ECSIT: variants seen among roughly 807,000 people sequenced by gnomAD.
ECSIT encodes the protein ECSIT signaling integrator.
Under a neutral mutation model 36.8 loss-of-function variants are expected in ECSIT, and 29 were observed. That is an observed-to-expected ratio of 0.79 (90% CI 0.59 to 1.08). ECSIT has a LOEUF of 1.08. Among genes scored for constraint, ECSIT ranks in the 50% least tolerant of loss-of-function variants. The pLI is 0.00. For missense variants in ECSIT, 542 were observed against 581.0 expected (o/e 0.93, Z 0.69); for synonymous variants, 231 against 234.8 (o/e 0.98, Z 0.15).
intron 5 of ECSIT, 32 bp from the exon 6 acceptor site, chr19:11,507,882 G>A: frequency 1.2e-6 from 2 of 1,613,830 alleles, no homozygotes; most frequent in South Asian, 1.1e-5. Context: ...CCTGTGCCCT[G>A]CAAGGGACTC....
chr19:11,511,736 C>T (rs1971874358), intron 4 of ECSIT, among the ~76,000 whole-genome samples: 1 of 152,030 alleles, frequency 6.6e-6, no homozygotes, highest in Non-Finnish European at 1.5e-5. Context: ...GATTAGTCCC[C>T]TTATAAAAAA....
At chr19:11,521,440 T>C (rs1193332041) in intron 1 of ECSIT, among the ~76,000 whole-genome samples, 5 of 150,266 alleles carry the variant, frequency 3.3e-5, no homozygotes, top group Non-Finnish European at 7.4e-5. Context: ...ACAGCATAAG[T>C]CCATTTATAC....
At chr19:11,518,875 G>A (rs1038702931) in intron 2 of ECSIT, among the ~76,000 whole-genome samples, 200 bp downstream of exon 2, 1 of 152,114 alleles carries the variant, frequency 6.6e-6, no homozygotes, top group African/African-American at 2.4e-5. Flanking sequence ...CTCCAGCCTT[G>A]GTGACAGAGA....
rs529127623 is a variant in ECSIT, at chr19:11,506,004, G to C, written c.*180C>G. 8 of 1,096,292 alleles carry C rather than the reference G, an allele frequency of 7.3e-6. No individual in the cohort carries two copies. Among genetic ancestry groups the C allele is most frequent in the Middle Eastern group, 3.2e-4 (1 of 3,162 alleles). The allele number at this position is 1,096,292 out of a possible 1,614,324, so 67.9% of individuals were successfully genotyped here. On this transcript the variant is annotated 3_prime_UTR_variant, in exon 8 of 8. Coordinates refer to ENST00000270517, the MANE Select transcript of ECSIT (RefSeq NM_016581.5). ...CAGAGGCGCCTGCAGATTCTGGAGG[G>C]GTCTCGCCTGCCCATCGCTGGCAGC...
At chr19:11,516,079 G>C (rs1468643679) in intron 2 of ECSIT, 1 of 152,264 alleles carries the variant, frequency 6.6e-6, no homozygotes, top group Non-Finnish European at 1.5e-5. Context: ...GCCCAGGCGG[G>C]AGTGCAGTGG....
At chr19:11,518,615 T>C (rs550273101) in intron 2 of ECSIT, among the ~76,000 whole-genome samples, 1 of 149,024 alleles carries the variant, frequency 6.7e-6, no homozygotes, top group African/African-American at 2.5e-5. Flanking sequence ...TATGGACTTT[T>C]GGCCAGGCGC....
intron 1 of ECSIT, chr19:11,525,772 G>A (rs1248203752): frequency 6.7e-6 from 1 of 149,130 alleles, no homozygotes; most frequent in East Asian, 2.0e-4. Flanking sequence ...TACAAAATTA[G>A]CCGGGTGTGG....
At chr19:11,506,798 G>A (rs1354790571) in intron 7 of ECSIT, among the ~76,000 whole-genome samples, 5 of 152,168 alleles carry the variant, frequency 3.3e-5, no homozygotes, top group African/African-American at 1.2e-4. Context: ...GCCTCCCAGA[G>A]TGCTGGGATT....
At chr19:11,521,612 A>T (rs1049456339) in intron 1 of ECSIT, among the ~76,000 whole-genome samples, 13 of 152,140 alleles carry the variant, frequency 8.5e-5, no homozygotes, top group Admixed American at 5.9e-4. Context: ...TACTAAAAAA[A>T]CAAAAAAACA....
At chr19:11,509,602 T>C (rs1394362355) in intron 4 of ECSIT, among the ~76,000 whole-genome samples, 1 of 151,178 alleles carries the variant, frequency 6.6e-6, no homozygotes, top group Non-Finnish European at 1.5e-5. Context: ...ACCCCGTCTC[T>C]ACTAGAAATA....
chr19:11,513,732 G>A, intron 3 of ECSIT, 72 bp downstream of exon 3: 1 of 1,561,044 alleles, frequency 6.4e-7, no homozygotes, highest in Non-Finnish European at 8.8e-7. Flanking sequence ...AGGAGGGGCT[G>A]AGACTCAGGA....
intron 4 of ECSIT, 30 bp from the exon 5 acceptor site, chr19:11,508,078 T>C (rs927899936): frequency 6.2e-7 from 1 of 1,613,134 alleles, no homozygotes; most frequent in Non-Finnish European, 8.5e-7. Context: ...TATAATCTTG[T>C]AACCCCCAAT....
At chr19:11,507,395 C>A (rs2144963936) in intron 7 of ECSIT, 62 bp downstream of exon 7, 2 of 1,378,712 alleles carry the variant, frequency 1.5e-6, no homozygotes, top group South Asian at 2.3e-5. Flanking sequence ...CCCACCTCAG[C>A]CTGTAGGAGG....
rs1972056399 is a variant in ECSIT, at chr19:11,519,277, T to G, written c.-23-84A>C. The G allele has an allele frequency of 1.1e-6, 1 of 886,008 alleles. No individual in the cohort carries two copies. The allele number at this position is 886,008 out of a possible 1,614,324, so 54.9% of individuals were successfully genotyped here. A position where few individuals can be genotyped will look rare whatever the true frequency, so the allele number is the denominator to read the frequency against. On this transcript the variant is annotated intron_variant, in intron 1 of 7. Coordinates refer to ENST00000270517, the MANE Select transcript of ECSIT (RefSeq NM_016581.5). This position sits in a 1 kb window ranked among gnomAD's most constrained non-coding sequence, Gnocchi z 4.4. ...GGGCCCCGCAGGGTCGAGGGCACAC[T>G]CCAGATTATGTGGCTCACTCACCAG...
chr19:11,506,384 C>T lies in ECSIT; in HGVS notation c.1096G>A (p.Asp366Asn), dbSNP rs1971738538. The change falls in exon 8 of 8, where the codon GAC (aspartate) becomes AAC (asparagine). Residue 366 changes from aspartate to asparagine, a missense_variant. Transcript: ENST00000270517. Reference protein sequence around the residue: ...VFAMCMAGAHDQATMAKWIQG... With the variant: ...VFAMCMAGAHNQATMAKWIQG... Reference sequence around the variant, plus strand: ...ATCCACTTAGCCATCGTCGCCTGGTCATGAGCACCCGCCATGCACATGGCG... The same window carrying T: ...ATCCACTTAGCCATCGTCGCCTGGTTATGAGCACCCGCCATGCACATGGCG... The T allele has an allele frequency of 1.2e-6, 2 of 1,613,632 alleles. No individual in the cohort carries two copies. Among genetic ancestry groups the T allele is most frequent in the Non-Finnish European group, 8.5e-7 (1 of 1,179,886 alleles).
rs139421495 is a variant in ECSIT, at chr19:11,508,012, G to A, written c.775C>T (p.Pro259Ser). ...LPKDSTGAAD[P>S]PQPHIVGIQS... ...TTACCTACGATGTGGGGCTGGGGGG[G>A]ATCTGCTGCACCTGTTGAGTCTTTG... The change falls in exon 5 of 8, where the codon CCC becomes TCC. Residue 259 changes from proline (P) to serine (S), a missense_variant. Coordinates refer to ENST00000270517, the MANE Select transcript of ECSIT (RefSeq NM_016581.5). 4.2e-5 allele frequency: 67 copies of A among 1,614,188 alleles called. No homozygotes were observed. Among genetic ancestry groups the A allele is most frequent in the Middle Eastern group, 3.3e-4 (2 of 6,062 alleles).
chr19:11,506,412 G>A lies in ECSIT; in HGVS notation c.1068C>T (p.Val356=). Residue 356 remains valine, a synonymous_variant, in exon 8 of 8, where the codon GTC becomes GTT. Transcript: ENST00000270517. ...GAGCACCCGCCATGCACATGGCGAA[G>A]ACAGGGCCTTCCTCCACTGTTGGAA... ...FDINEVEEGP[V]FAMCMAGAHD... is the part of the protein sequence containing the mutation. The A allele has an allele frequency of 6.2e-7, 1 of 1,612,502 alleles. No individual in the cohort carries two copies. Among genetic ancestry groups the A allele is most frequent in the Non-Finnish European group, 8.5e-7 (1 of 1,179,094 alleles).
Position 11,513,793 on chromosome 19 carries a change from C to A in ECSIT, c.514+11G>T. ...CCCACTCCCCACCCTGCGCCAGCCT[C>A]CTGGCCTCACCGTGGTTCTCCATCT... On this transcript the variant is annotated intron_variant, in intron 3 of 7. Transcript: ENST00000270517. 1 of 1,613,710 alleles carries A rather than the reference C, an allele frequency of 6.2e-7. No homozygotes were observed. The highest frequency in any genetic ancestry group is 8.5e-7 in the Non-Finnish European group (1 of 1,179,966).
At chr19:11,524,675 A>G (rs1163848917) in intron 1 of ECSIT, among the ~76,000 whole-genome samples, 1 of 151,418 alleles carries the variant, frequency 6.6e-6, no homozygotes, top group African/African-American at 2.4e-5. Flanking sequence ...GAAAAAAAAT[A>G]CCAGCTGGGT....
Sources: allele counts gnomAD v4.1 joint callset (sites outside exome capture counted in the v4.1 genomes callset), GRCh38; gene constraint gnomAD v4.1.1; non-coding constraint Gnocchi (gnomAD v3.1); transcripts MANE v1.5; gene names NCBI Gene and HGNC (gene_info 2026-07-23, HGNC 2026-07-21).